Variants in SGCZ observed in about 807,000 individuals in gnomAD.
SGCZ encodes zeta-sarcoglycan.
SGCZ carries 40 observed loss-of-function variants against 41.3 expected under a neutral mutation model. That is an observed-to-expected ratio of 0.97 (90% CI 0.75 to 1.26). The LOEUF (loss-of-function observed/expected upper bound fraction) is 1.26, where lower values mean the gene tolerates loss of function less well. Among genes scored for constraint, SGCZ ranks in the 50% most tolerant of loss-of-function variants. The pLI is 0.00. For missense variants in SGCZ, 552 were observed against 369.8 expected (o/e 1.49, Z -4.04); for synonymous variants, 206 against 137.5 (o/e 1.50, Z -3.49).
chr8:15,211,972 T>A (rs968458854), intron 1 of SGCZ, among the ~76,000 whole-genome samples: 2 of 152,098 alleles, frequency 1.3e-5, no homozygotes. Flanking sequence ...TCAGACTGAT[T>A]AAGAAAGGGA....
At position 14,631,123 on chromosome 8, in the gene SGCZ, A is replaced by G. The variant is rs78867060; in HGVS notation, c.40-76197T>C. On this transcript the variant is annotated intron_variant, in intron 1 of 7. Transcript: ENST00000382080. Reference sequence around the variant, plus strand: ...TATTTTCGTAATTAGTTCCCAACTCAATATGTAAGAAGAGTACTATTCATT... The same window carrying G: ...TATTTTCGTAATTAGTTCCCAACTCGATATGTAAGAAGAGTACTATTCATT... Among the ~76,000 whole-genome samples, 1,339 of 152,094 alleles carry G rather than the reference A, an allele frequency of 8.8e-3. 18 individuals are homozygous for G. Among genetic ancestry groups the G allele is most frequent in the African/African-American group, 0.031 (1,269 of 41,480 alleles).
At chr8:14,295,000 A>G (rs887910721) in intron 3 of SGCZ, among the ~76,000 whole-genome samples, 15 of 152,290 alleles carry the variant, frequency 9.8e-5, no homozygotes, top group African/African-American at 2.4e-4. Flanking sequence ...GCAAAATGAT[A>G]TAATTTGAAA....
Position 15,062,977 on chromosome 8 carries a change from T to A in SGCZ, c.39+174608A>T. On this transcript the variant is annotated intron_variant, in intron 1 of 7. Coordinates refer to ENST00000382080, the MANE Select transcript of SGCZ (RefSeq NM_139167.4). ...AGAAAGATACTAAAAAGAATGTCAA[T>A]TGTGTTTAAAATGGTACTCACAGTG... 1.3e-5 allele frequency among the ~76,000 whole-genome samples: 2 copies of A among 152,092 alleles called. 1 individual carries two copies. The highest frequency in any genetic ancestry group is 1.3e-4 in the Admixed American group (2 of 15,270).
At chr8:14,773,410 G>C (rs1800308104) in intron 1 of SGCZ, among the ~76,000 whole-genome samples, 1 of 152,116 alleles carries the variant, frequency 6.6e-6, no homozygotes, top group African/African-American at 2.4e-5. Context: ...AAACAAGAAA[G>C]TGCCTTTGTT....
chr8:14,505,478 A>C (rs1343070072), intron 2 of SGCZ, among the ~76,000 whole-genome samples: 2 of 152,104 alleles, frequency 1.3e-5, no homozygotes, highest in Non-Finnish European at 2.9e-5. Flanking sequence ...AATTAAGGAT[A>C]CTCCCTGAGA....
chr8:14,582,491 C>T (rs1350644090), intron 1 of SGCZ, among the ~76,000 whole-genome samples: 1 of 151,722 alleles, frequency 6.6e-6, no homozygotes, highest in Non-Finnish European at 1.5e-5. Flanking sequence ...CTGAAAGTTC[C>T]CACACTCTTT....
intron 1 of SGCZ, among the ~76,000 whole-genome samples, chr8:15,075,225 C>A (rs1486626250): frequency 1.3e-5 from 2 of 149,502 alleles, no homozygotes. Flanking sequence ...AGTAGTCAGA[C>A]AAAAAAAAAA....
intron 5 of SGCZ, among the ~76,000 whole-genome samples, chr8:14,126,984 CA>C (rs1481047042): frequency 6.6e-6 from 1 of 151,532 alleles, no homozygotes; most frequent in Non-Finnish European, 1.5e-5. Flanking sequence ...TCTGGGGGGT[CA>C]GGGGGAGGGA....
At position 15,007,072 on chromosome 8, in the gene SGCZ, C is replaced by G. The variant is rs142154842; in HGVS notation, c.39+230513G>C. 7.8e-3 allele frequency among the ~76,000 whole-genome samples: 1,194 copies of G among 152,164 alleles called. 16 individuals carry two copies. Among genetic ancestry groups the G allele is most frequent in the African/African-American group, 0.028 (1,154 of 41,500 alleles). ...ATATTTAACTGTTGCAACTTTAGCACAAAAATTGAAGGACTGAGTGAAAAC... is the reference window on the plus strand; with the variant it reads ...ATATTTAACTGTTGCAACTTTAGCAGAAAAATTGAAGGACTGAGTGAAAAC... On this transcript the variant is annotated intron_variant, in intron 1 of 7. Coordinates refer to ENST00000382080, the MANE Select transcript of SGCZ (RefSeq NM_139167.4).
intron 1 of SGCZ, among the ~76,000 whole-genome samples, chr8:14,778,147 C>G (rs1800471402): frequency 6.6e-6 from 1 of 152,010 alleles, no homozygotes; most frequent in South Asian, 2.1e-4. Context: ...CGGCTAGTCT[C>G]AAACTACTGG....
chr8:14,463,882 G>C lies in SGCZ; in HGVS notation c.234+90850C>G, dbSNP rs546268036. ...TTTCTGCATCAGTTGAGATGATCAT[G>C]TGTTTTTCTGCCTTCATTCTCTTTA... On this transcript the variant is annotated intron_variant, in intron 2 of 7. Transcript: ENST00000382080. Among the ~76,000 whole-genome samples, 4 of 135,834 alleles carry C rather than the reference G, an allele frequency of 2.9e-5. No homozygotes were observed. The East Asian group carries it at 7.7e-4, about 26-fold the overall frequency. 89.1% of individuals were successfully genotyped at this position (135,834 alleles called of 152,430 possible). A position where few individuals can be genotyped will look rare whatever the true frequency, so the allele number is the denominator to read the frequency against.
chr8:14,173,757 A>G (rs868059404), intron 4 of SGCZ, among the ~76,000 whole-genome samples: 1 of 126,998 alleles, frequency 7.9e-6, no homozygotes, highest in Non-Finnish European at 2.0e-5. Flanking sequence ...GATGTACAGG[A>G]AACAGAGCGA....
chr8:14,283,764 T>C (rs1247327896), intron 3 of SGCZ, among the ~76,000 whole-genome samples: 1 of 152,194 alleles, frequency 6.6e-6, no homozygotes, highest in Non-Finnish European at 1.5e-5. Flanking sequence ...GTCTCTATCA[T>C]AACTACTCTA....
Position 14,722,158 on chromosome 8 carries a change from T to G in SGCZ, c.40-167232A>C, listed in dbSNP as rs898634614. 8.5e-5 allele frequency among the ~76,000 whole-genome samples: 13 copies of G among 152,344 alleles called. No homozygotes were observed. In the East Asian group the frequency reaches 1.7e-3, roughly 20 times the overall value. The stretch of plus-strand genomic sequence containing the variant: ...CTCAGAACTAGTAGTATAAAATGCA[T>G]TTCATTTTTCTATTTTATTATTTCT... On this transcript the variant is annotated intron_variant, in intron 1 of 7. Coordinates refer to ENST00000382080, the MANE Select transcript of SGCZ (RefSeq NM_139167.4).
intron 1 of SGCZ, among the ~76,000 whole-genome samples, chr8:14,908,577 C>A (rs1467589168): frequency 1.3e-5 from 2 of 151,998 alleles, no homozygotes; most frequent in East Asian, 1.9e-4. Flanking sequence ...TGGTGAAACC[C>A]CATTTCTACT....
chr8:14,299,121 G>A (rs1801108705), intron 3 of SGCZ, among the ~76,000 whole-genome samples: 1 of 152,028 alleles, frequency 6.6e-6, no homozygotes, highest in Non-Finnish European at 1.5e-5. Flanking sequence ...ATGGAGTTGA[G>A]TATGGAAAAA....
At chr8:15,194,954 G>A (rs1220877491) in intron 1 of SGCZ, among the ~76,000 whole-genome samples, 3 of 152,126 alleles carry the variant, frequency 2.0e-5, no homozygotes, top group Non-Finnish European at 4.4e-5. Flanking sequence ...AACTTGCGAC[G>A]TCGTTTTTAA....
rs989310052 is a variant in SGCZ, at chr8:14,722,564, C to A, written c.40-167638G>T. On this transcript the variant is annotated intron_variant, in intron 1 of 7. Transcript: ENST00000382080. ...TATATACATATATATTTATTACTTT[C>A]CTCACTGAAATGGGAGAAAAAGGAA... Among the ~76,000 whole-genome samples, 29 of 151,756 alleles carry A rather than the reference C, an allele frequency of 1.9e-4. 1 individual carries two copies. The highest frequency in any genetic ancestry group is 1.8e-3 in the Admixed American group (27 of 15,202).
chr8:14,129,740 A>T (rs576304952), intron 5 of SGCZ, among the ~76,000 whole-genome samples: 3 of 141,772 alleles, frequency 2.1e-5, no homozygotes, highest in South Asian at 2.1e-4. Flanking sequence ...TGACAATAAC[A>T]TATAAAATAA....
Sources: gnomAD v4.1 joint callset for allele counts (sites outside exome capture counted in the v4.1 genomes callset) on GRCh38, gnomAD v4.1.1 for gene constraint, MANE v1.5 for transcripts, NCBI Gene and HGNC (gene_info 2026-07-23, HGNC 2026-07-21) for gene names.